The following LRCH2 variants were observed in gnomAD, a reference collection of about 807,000 sequenced individuals.
LRCH2 encodes the protein leucine-rich repeat and calponin homology domain-containing protein 2.
In LRCH2, 38 loss-of-function variants were observed where a neutral mutation model predicts 68.9. That is an observed-to-expected ratio of 0.55 (90% CI 0.43 to 0.72). The LOEUF (loss-of-function observed/expected upper bound fraction) is 0.72, where lower values mean the gene tolerates loss of function less well. Among genes scored for constraint, LRCH2 ranks in the 30% least tolerant of loss-of-function variants. LRCH2 has a pLI of 0.00. For synonymous variants in LRCH2, 191 were observed against 208.1 expected, an observed-to-expected ratio of 0.92 and a Z score of 0.71; for missense variants, 528 against 572.9, an observed-to-expected ratio of 0.92 and a Z score of 0.80.
At chrX:115,166,212 T>C (rs368660751) in intron 7 of LRCH2, 43 bp downstream of exon 7, 5 of 990,588 alleles carry the variant, frequency 5.0e-6, no homozygotes, top group Non-Finnish European at 5.6e-6. Flanking sequence ...AATGCTCTAA[T>C]AAAATTGTAA....
intron 14 of LRCH2, among the ~76,000 whole-genome samples, chrX:115,135,816 C>G (rs782799389): frequency 8.9e-6 from 1 of 112,070 alleles, no homozygotes; most frequent in East Asian, 2.8e-4. Context: ...CAAGACCCCC[C>G]ACCAGTAAAA....
At chrX:115,168,520 G>T (rs1441604697) in intron 6 of LRCH2, among the ~76,000 whole-genome samples, 1 of 111,474 alleles carries the variant, frequency 9.0e-6, no homozygotes, top group African/African-American at 3.3e-5. Context: ...TAATATTTTG[G>T]ATATACTCAA....
chrX:115,119,320 G>A (rs1234171456), intron 20 of LRCH2, among the ~76,000 whole-genome samples: 10 of 106,165 alleles, frequency 9.4e-5, no homozygotes, highest in Non-Finnish European at 1.7e-4. Context: ...CTTCAGCAAA[G>A]TCTCAGGATA....
At chrX:115,129,340 T>A (rs1277745497) in intron 15 of LRCH2, among the ~76,000 whole-genome samples, 1 of 111,562 alleles carries the variant, frequency 9.0e-6, no homozygotes, top group Admixed American at 9.6e-5. Flanking sequence ...GTACAGGAAC[T>A]GATTGTGCTG....
In LRCH2 at chrX:115,201,422, G is replaced by C. The variant is rs900926298; in HGVS notation, c.350-13052C>G. On this transcript the variant is annotated intron_variant, in intron 1 of 20. Coordinates refer to ENST00000317135, the MANE Select transcript of LRCH2 (RefSeq NM_020871.4). Reference sequence around the variant, plus strand: ...AACAAAATTAGGACAAAAAACATATGATCATCTCAATAGATGCAGAAAATG... The same window carrying C: ...AACAAAATTAGGACAAAAAACATATCATCATCTCAATAGATGCAGAAAATG... 3.8e-4 allele frequency among the ~76,000 whole-genome samples: 42 copies of C among 111,612 alleles called. 1 individual carries two copies. The highest frequency in any genetic ancestry group is 1.3e-3 in the African/African-American group (41 of 30,737).
intron 12 of LRCH2, among the ~76,000 whole-genome samples, chrX:115,154,215 A>C (rs1381661819): frequency 1.8e-5 from 2 of 111,552 alleles, no homozygotes; most frequent in African/African-American, 6.5e-5. Flanking sequence ...ATACAATCCT[A>C]AACATTTATA....
intron 11 of LRCH2, among the ~76,000 whole-genome samples, chrX:115,162,997 G>C (rs782283771): frequency 1.8e-5 from 2 of 111,540 alleles, no homozygotes; most frequent in Non-Finnish European, 3.8e-5. Context: ...TGCATTAGAA[G>C]TGGACATGTC....
At position 115,188,343 on chromosome X, in the gene LRCH2, A is replaced by G; in HGVS notation, c.377T>C (p.Ile126Thr). 7 of 1,187,745 alleles carry G rather than the reference A, an allele frequency of 5.9e-6. No homozygotes were observed. The highest frequency in any genetic ancestry group is 6.8e-6 in the Non-Finnish European group (6 of 883,940). Residue 126 changes from isoleucine (I) to threonine (T), a missense_variant, in exon 2 of 21, where the codon ATT (isoleucine) becomes ACT (threonine). Ile to Thr is a moderately conservative substitution (Grantham distance 89). Transcript: ENST00000317135. Reference protein sequence around the residue: ...ADLSRNRFTEIPSDVWLFAPL... With the variant: ...ADLSRNRFTETPSDVWLFAPL... ...TGCAAATAACCAGACATCAGAAGGA[A>G]TTTCTGTAAAACGATTTCTGGAAAG... is the stretch of plus-strand genomic sequence containing the variant.
chrX:115,221,244 T>TATAA (rs1184641014), intron 1 of LRCH2, among the ~76,000 whole-genome samples: 5 of 86,507 alleles, frequency 5.8e-5, no homozygotes, highest in African/African-American at 2.5e-4. Flanking sequence ...TATATATATA[T>TATAA]AAACTACAGC....
intron 6 of LRCH2, among the ~76,000 whole-genome samples, chrX:115,167,362 G>A (rs781905083): frequency 4.2e-4 from 45 of 108,190 alleles, no homozygotes; most frequent in African/African-American, 1.5e-3. Context: ...CAAAGAGCTA[G>A]CTCTCAGCCT....
At chrX:115,205,887 G>A (rs958022244) in intron 1 of LRCH2, among the ~76,000 whole-genome samples, 3 of 109,985 alleles carry the variant, frequency 2.7e-5, no homozygotes, top group Non-Finnish European at 5.7e-5. Flanking sequence ...GCAGTGAGCC[G>A]AGATCACGCC....
chrX:115,119,318 A>G (rs1186831165), intron 20 of LRCH2, among the ~76,000 whole-genome samples: 1 of 106,477 alleles, frequency 9.4e-6, no homozygotes, highest in Non-Finnish European at 1.9e-5. Flanking sequence ...AACTTCAGCA[A>G]AGTCTCAGGA....
intron 15 of LRCH2, among the ~76,000 whole-genome samples, chrX:115,128,433 A>G (rs1313169199): frequency 8.9e-6 from 1 of 112,143 alleles, no homozygotes; most frequent in Admixed American, 9.5e-5. Context: ...TAATTTATAA[A>G]TCAGGTATGA....
chrX:115,127,992 C>A (rs1185271079), intron 15 of LRCH2, among the ~76,000 whole-genome samples: 2 of 111,665 alleles, frequency 1.8e-5, no homozygotes, highest in Admixed American at 9.6e-5. Flanking sequence ...CTGATTGCAT[C>A]TGTGTTCTTT....
chrX:115,168,059 C>G (rs1345975046), intron 6 of LRCH2, among the ~76,000 whole-genome samples: 6 of 111,618 alleles, frequency 5.4e-5, no homozygotes, highest in African/African-American at 2.0e-4. Context: ...AAACTGAGGA[C>G]CAGAGACATT....
chrX:115,130,273 G>T, intron 14 of LRCH2, 74 bp from the exon 15 acceptor site: 1 of 533,078 alleles, frequency 1.9e-6, no homozygotes, highest in East Asian at 4.1e-5. Context: ...TTATGTACAA[G>T]GTTCTTTCAT....
chrX:115,163,859 C>A, intron 10 of LRCH2, 76 bp from the exon 11 acceptor site: 1 of 751,532 alleles, frequency 1.3e-6, no homozygotes, highest in Non-Finnish European at 1.9e-6. Flanking sequence ...GAAATAGAAA[C>A]CATTTTTGTT....
At chrX:115,203,099 C>A (rs1556566811) in intron 1 of LRCH2, among the ~76,000 whole-genome samples, 1 of 111,887 alleles carries the variant, frequency 8.9e-6, no homozygotes, top group African/African-American at 3.3e-5. Context: ...AGGAAACTTA[C>A]AATCATGGCA....
intron 1 of LRCH2, among the ~76,000 whole-genome samples, chrX:115,230,304 T>C (rs1479222516): frequency 9.2e-6 from 1 of 108,804 alleles, no homozygotes; most frequent in East Asian, 2.9e-4. Flanking sequence ...TCAAGGAGTA[T>C]CTGGAAGGGA....
Sources: allele counts gnomAD v4.1 joint callset (sites outside exome capture counted in the v4.1 genomes callset), GRCh38; gene constraint gnomAD v4.1.1; transcripts MANE v1.5; gene names NCBI Gene and HGNC (gene_info 2026-07-23, HGNC 2026-07-21).